MALRD1: variants seen among roughly 807,000 people sequenced by gnomAD.
The protein encoded by MALRD1 is MAM and LDL receptor class A domain containing 1, also known as MAM and LDL-receptor class A domain-containing protein 1.
Under a neutral mutation model 242.1 loss-of-function variants are expected in MALRD1, and 247 were observed. The ratio of observed to expected loss-of-function variants is 1.02; its 90% confidence interval spans 0.92 to 1.13. The LOEUF (loss-of-function observed/expected upper bound fraction) is 1.13, where lower values mean the gene tolerates loss of function less well. Among genes scored for constraint, MALRD1 ranks in the 50% most tolerant of loss-of-function variants. The pLI, the probability that MALRD1 is intolerant of heterozygous loss-of-function variation, is 0.00. For synonymous variants in MALRD1, 995 were observed against 866.6 expected (o/e 1.15, Z -2.60); for missense variants, 2,989 against 2,533.1 (o/e 1.18, Z -3.86).
chr10:19,295,140 A>G (rs183966410), intron 21 of MALRD1, among the ~76,000 whole-genome samples: 1 of 152,096 alleles, frequency 6.6e-6, no homozygotes, highest in African/African-American at 2.4e-5. Flanking sequence ...GCTTTGCCAC[A>G]TGTCACATCA....
At chr10:19,448,532 A>G (rs1835131233) in intron 28 of MALRD1, among the ~76,000 whole-genome samples, 1 of 152,136 alleles carries the variant, frequency 6.6e-6, no homozygotes, top group African/African-American at 2.4e-5. Context: ...AATAGTGTAT[A>G]CAATCTCAGC....
Position 19,444,987 on chromosome 10 carries a change from TG to T in MALRD1, c.4846-5318del, listed in dbSNP as rs548568664. On this transcript the variant is annotated intron_variant, in intron 28 of 39. Transcript: ENST00000454679. ...TCTTTTCACATAGTCCCATATTTCT[TG>T]GAGGCTTTGTTCATTTCTTTTTACT... 1.3e-4 allele frequency among the ~76,000 whole-genome samples: 20 copies of T among 152,364 alleles called. No individual in the cohort carries two copies. The South Asian group carries it at 3.7e-3, about 28-fold the overall frequency.
intron 1 of MALRD1, chr10:19,051,600 T>C (rs1834497437): frequency 6.3e-6 from 1 of 157,716 alleles, no homozygotes. Context: ...CGGACAGGAA[T>C]GATAATTGGA....
chr10:19,346,810 C>A (rs1340556835), intron 24 of MALRD1, among the ~76,000 whole-genome samples: 1 of 151,988 alleles, frequency 6.6e-6, no homozygotes, highest in African/African-American at 2.4e-5. Flanking sequence ...GCCACCATGC[C>A]CAGCTAATTT....
intron 11 of MALRD1, among the ~76,000 whole-genome samples, chr10:19,147,771 A>C (rs1340875470): frequency 3.3e-5 from 5 of 152,180 alleles, no homozygotes; most frequent in Admixed American, 6.5e-5. Flanking sequence ...TTGTTGAAGG[A>C]GATGACTCCT....
intron 33 of MALRD1, among the ~76,000 whole-genome samples, chr10:19,592,737 A>G (rs2131550997): frequency 8.8e-6 from 1 of 113,350 alleles, no homozygotes; most frequent in East Asian, 2.5e-4. Context: ...AGACACACAC[A>G]CACACACACA....
chr10:19,608,025 C>T (rs1211176193), intron 35 of MALRD1, 123 bp downstream of exon 35: 2 of 1,316,920 alleles, frequency 1.5e-6, no homozygotes, highest in East Asian at 2.5e-5. Flanking sequence ...AATTTCTATT[C>T]TTGGTTTGGG....
intron 31 of MALRD1, among the ~76,000 whole-genome samples, chr10:19,515,571 T>C (rs1418524867): frequency 1.3e-5 from 2 of 151,866 alleles, no homozygotes; most frequent in Non-Finnish European, 2.9e-5. Flanking sequence ...ATTTATTTAT[T>C]TTTTTTGAGA....
intron 38 of MALRD1, among the ~76,000 whole-genome samples, chr10:19,720,247 T>G (rs1373953821): frequency 2.0e-5 from 3 of 152,186 alleles, no homozygotes; most frequent in Admixed American, 2.0e-4. Flanking sequence ...CCTCCCTCCT[T>G]GCCAACACTT....
chr10:19,674,634 A>G (rs2131773962), intron 36 of MALRD1, among the ~76,000 whole-genome samples: 1 of 152,334 alleles, frequency 6.6e-6, no homozygotes, highest in Admixed American at 6.5e-5. Flanking sequence ...ATCTTACTGG[A>G]AATAAGAGGC....
intron 31 of MALRD1, among the ~76,000 whole-genome samples, chr10:19,510,581 C>A (rs550924477): frequency 2.0e-5 from 3 of 152,236 alleles, no homozygotes; most frequent in Non-Finnish European, 4.4e-5. Context: ...AGCCCTAAAT[C>A]CATTAAACCT....
intron 24 of MALRD1, among the ~76,000 whole-genome samples, chr10:19,335,814 T>G (rs1843583152): frequency 6.6e-6 from 1 of 152,126 alleles, no homozygotes; most frequent in African/African-American, 2.4e-5. Context: ...AATTTTTTTT[T>G]ATTATTATAC....
At chr10:19,236,159 C>T (rs548156185) in intron 18 of MALRD1, among the ~76,000 whole-genome samples, 2 of 152,098 alleles carry the variant, frequency 1.3e-5, no homozygotes, top group African/African-American at 4.8e-5. Flanking sequence ...TATCTTCAAC[C>T]TGTTTTTGGA....
rs778358729 is a variant in MALRD1, at chr10:19,595,230, A to T, written c.5717A>T (p.Asp1906Val). The change falls in exon 34 of 40, where the codon GAT (aspartate) becomes GTT (valine). Residue 1906 changes from aspartate to valine, a missense_variant. Transcript: ENST00000454679. ...VPVQPSPCEADQFSCIYTLQC... is the reference protein window; with the variant it reads ...VPVQPSPCEAVQFSCIYTLQC... ...GTGCAGCCATCACCCTGTGAAGCTG[A>T]TCAGTTTTCTTGTATCTACACACTC... 6 of 1,550,188 alleles carry T rather than the reference A, an allele frequency of 3.9e-6. No individual in the cohort carries two copies. The Admixed American group carries it at 9.8e-5, about 25-fold the overall frequency.
At chr10:19,288,438 C>T (rs1158276394) in intron 21 of MALRD1, among the ~76,000 whole-genome samples, 1 of 152,092 alleles carries the variant, frequency 6.6e-6, no homozygotes, top group African/African-American at 2.4e-5. Context: ...TCCCTCCCAG[C>T]CTCCTGCTAC....
intron 26 of MALRD1, among the ~76,000 whole-genome samples, chr10:19,364,656 A>C (rs1845034560): frequency 6.6e-6 from 1 of 152,152 alleles, no homozygotes; most frequent in Non-Finnish European, 1.5e-5. Context: ...GTTGAGTGTA[A>C]GTGAAACAAC....
At chr10:19,416,401 C>A (rs182168759) in intron 28 of MALRD1, among the ~76,000 whole-genome samples, 1 of 152,270 alleles carries the variant, frequency 6.6e-6, no homozygotes, top group African/African-American at 2.4e-5. Flanking sequence ...TATTGAGAGG[C>A]AGAGATTAAG....
intron 19 of MALRD1, among the ~76,000 whole-genome samples, chr10:19,261,084 G>A (rs146922822): frequency 6.6e-6 from 1 of 151,860 alleles, no homozygotes; most frequent in African/African-American, 2.4e-5. Flanking sequence ...AGTCAGAAGA[G>A]AACAAAAAAA....
chr10:19,489,234 C>T (rs1837374541), intron 29 of MALRD1: 2 of 476,486 alleles, frequency 4.2e-6, no homozygotes, highest in African/African-American at 2.0e-5. Flanking sequence ...AAGGATACAT[C>T]TTAAGACAAA....
Sources: allele counts gnomAD v4.1 joint callset (sites outside exome capture counted in the v4.1 genomes callset), GRCh38; gene constraint gnomAD v4.1.1; transcripts MANE v1.5; gene names NCBI Gene and HGNC (gene_info 2026-07-23, HGNC 2026-07-21).